Variants in TGM2 observed in about 807,000 individuals in gnomAD.
TGM2 encodes the protein protein-glutamine gamma-glutamyltransferase 2.
A neutral mutation model predicts 75.6 loss-of-function variants in TGM2; 53 were observed. The observed-to-expected ratio is 0.70, with a 90% CI of 0.56 to 0.88. The LOEUF is 0.88. Ranked by LOEUF, TGM2 falls within the 40% of genes least tolerant of loss-of-function variation. The pLI is 0.00. For missense variants in TGM2, 842 were observed against 928.5 expected, an observed-to-expected ratio of 0.91 and a Z score of 1.21; for synonymous variants, 374 against 381.1, an observed-to-expected ratio of 0.98 and a Z score of 0.22.
At position 38,132,496 on chromosome 20, in the gene TGM2, C is replaced by T. The variant is rs946313974; in HGVS notation, c.1620G>A (p.Lys540=). 2 of 1,614,008 alleles carry T rather than the reference C, an allele frequency of 1.2e-6. No homozygotes were observed. The highest frequency in any genetic ancestry group is 1.7e-6 in the Non-Finnish European group (2 of 1,180,024). The change falls in exon 11 of 13, where the codon AAG becomes AAA. Residue 540 remains lysine (K), a synonymous_variant. Transcript: ENST00000361475. The part of the protein sequence containing the change: ...LNLNLEPFSE[K]SVPLCILYEK... ...CATAGAGGATGCAAAGAGGAACGCTCTTCTCTGCAGAAGGGGAGAAAGGAG... is the reference window on the plus strand; with the variant it reads ...CATAGAGGATGCAAAGAGGAACGCTTTTCTCTGCAGAAGGGGAGAAAGGAG...
chr20:38,155,446 A>G (rs2075172099), intron 3 of TGM2, among the ~76,000 whole-genome samples: 1 of 152,030 alleles, frequency 6.6e-6, no homozygotes, highest in Non-Finnish European at 1.5e-5. Flanking sequence ...GACACAAGTG[A>G]TCCTCCCACC....
chr20:38,151,111 C>T (rs1205056044), intron 3 of TGM2, 54 bp from the exon 4 acceptor site: 3 of 1,396,396 alleles, frequency 2.1e-6, no homozygotes, highest in South Asian at 1.2e-5. Flanking sequence ...GCCCAGGGTC[C>T]CTGCAAATCT....
intron 2 of TGM2, among the ~76,000 whole-genome samples, chr20:38,158,574 C>T (rs1425708981): frequency 6.6e-6 from 1 of 152,222 alleles, no homozygotes; most frequent in Admixed American, 6.5e-5. Flanking sequence ...GTGACTGCCA[C>T]ACCCCCTCAA....
chr20:38,130,336 C>G lies in TGM2; in HGVS notation c.1947G>C (p.Lys649Asn), dbSNP rs6023252. The change falls in exon 13 of 13, where the codon AAG becomes AAC. Residue 649 changes from lysine to asparagine, a missense_variant. Transcript: ENST00000361475. The stretch of plus-strand genomic sequence containing the variant: ...GGAGCGGCAGCAGGTCCATTCTCAC[C>G]TTAACTTCCTCCCCTGCCTCCACGG... ...PDPVEAGEEV[K>N]VRMDLLPLHM... 2.5e-6 allele frequency: 4 copies of G among 1,603,826 alleles called. No homozygotes were observed. The highest frequency in any genetic ancestry group is 1.7e-4 in the Middle Eastern group (1 of 6,036).
At chr20:38,138,872 T>TC (rs1028107908) in intron 9 of TGM2, among the ~76,000 whole-genome samples, 45 of 152,320 alleles carry the variant, frequency 3.0e-4, no homozygotes, top group African/African-American at 1.0e-3. Context: ...CTCCTTTGAT[T>TC]TTTTTCTCCC....
Position 38,149,213 on chromosome 20 carries a change from A to G in TGM2, c.553-1124T>C, listed in dbSNP as rs73621927. 2.2e-4 allele frequency among the ~76,000 whole-genome samples: 34 copies of G among 152,106 alleles called. No individual in the cohort carries two copies. In the East Asian group the frequency reaches 6.4e-3, roughly 29 times the overall value. ...ACACCTCCTTGCATGGCAAACTCCT[A>G]TTTGTTCTTCAAAGCCCAGCTCAAA... On this transcript the variant is annotated intron_variant, in intron 4 of 12. Transcript: ENST00000361475.
Position 38,142,072 on chromosome 20 carries a change from C to T in TGM2, c.987G>A (p.Glu329=). ...CCTGGCCCCCACCTCACCAGATCAT[C>T]TCGCTCTTGTCACCCTGGATCTCCC... ...EFGEIQGDKS[E]MIWNFHCWVE... is the part of the protein sequence containing the mutation. The change falls in exon 7 of 13, where the codon GAG becomes GAA. Residue 329 remains glutamate, a synonymous_variant. Coordinates refer to ENST00000361475, the MANE Select transcript of TGM2 (RefSeq NM_004613.4). 1 of 1,614,190 alleles carries T rather than the reference C, an allele frequency of 6.2e-7. No homozygotes were observed.
chr20:38,133,099 G>C (rs957641102), intron 10 of TGM2: 2 of 352,326 alleles, frequency 5.7e-6, no homozygotes, highest in African/African-American at 4.3e-5. Context: ...TCACACAGCT[G>C]ATATGTACTG....
rs769942048 is a variant in TGM2 at position 38,161,583 on chromosome 20, C to T, written c.27G>A (p.Arg9=). 7.4e-6 allele frequency: 12 copies of T among 1,614,168 alleles called. No homozygotes were observed. In the East Asian group the frequency reaches 2.7e-4, roughly 36 times the overall value. Residue 9 remains arginine (R), a synonymous_variant, in exon 2 of 13, where the codon AGG becomes AGA. Coordinates refer to ENST00000361475, the MANE Select transcript of TGM2 (RefSeq NM_004613.4). MAEELVLE[R]CDLELETNGR... ...CATTGGTCTCCAGCTCCAGATCACA[C>T]CTCTCTAAGACCAGCTCTATGGAAA...
Position 38,149,628 on chromosome 20 carries a change from G to A in TGM2, c.552+1311C>T, listed in dbSNP as rs45526138. The stretch of plus-strand genomic sequence containing the variant: ...CAGGAGGCAGATCTTGTAGTGAGCC[G>A]AGATTGCACCACTGCACTCCAGCCT... On this transcript the variant is annotated intron_variant, in intron 4 of 12. Transcript: ENST00000361475. 8.6e-3 allele frequency among the ~76,000 whole-genome samples: 1,214 copies of A among 141,032 alleles called. 11 individuals carry two copies. The highest frequency in any genetic ancestry group is 0.027 in the Middle Eastern group (7 of 258). 92.5% of individuals were successfully genotyped at this position (141,032 alleles called of 152,430 possible).
rs2074778683 is a variant in TGM2, at chr20:38,127,478, A to G, written c.*2741T>C. On this transcript the variant is annotated 3_prime_UTR_variant, in exon 13 of 13. Coordinates refer to ENST00000361475, the MANE Select transcript of TGM2 (RefSeq NM_004613.4). ...AGGGTGGGGACTGTCCCCATCATCT[A>G]TTCATTCAACAGATACTCATGAGTG... 2 of 541,660 alleles carry G rather than the reference A, an allele frequency of 3.7e-6. No homozygotes were observed. The highest frequency in any genetic ancestry group is 4.7e-6 in the Non-Finnish European group (2 of 424,254). The allele number at this position is 541,660 out of a possible 1,614,324, so 33.6% of individuals were successfully genotyped here.
In TGM2 at chr20:38,138,454, C is replaced by A. The variant is rs1249259072; in HGVS notation, c.1343-69G>T. ...TCACAGGAAGGGGGCTGCAACAGGG[C>A]GAGCTGTCTTCGCAGAGGCCTGATG... On this transcript the variant is annotated intron_variant, in intron 9 of 12. Transcript: ENST00000361475. 2.5e-6 allele frequency: 4 copies of A among 1,608,856 alleles called. No homozygotes were observed. The Admixed American group carries it at 6.7e-5, about 27-fold the overall frequency.
Position 38,151,822 on chromosome 20 carries a change from T to C in TGM2, c.434-765A>G, listed in dbSNP as rs573432591. On this transcript the variant is annotated intron_variant, in intron 3 of 12. Transcript: ENST00000361475. ...GCAGAGGACCAGAAAGCACAAAGCT[T>C]TGGCTGCTGGAAAATGCAGGGCATT... 1.1e-4 allele frequency among the ~76,000 whole-genome samples: 17 copies of C among 152,230 alleles called. No individual in the cohort carries two copies. In the South Asian group the frequency reaches 2.9e-3, roughly 26 times the overall value.
chr20:38,143,868 G>C (rs894771729), intron 6 of TGM2, among the ~76,000 whole-genome samples: 2 of 152,188 alleles, frequency 1.3e-5, no homozygotes, highest in Non-Finnish European at 2.9e-5. Flanking sequence ...CCATCGATAG[G>C]CCAGGGTAAG....
intron 6 of TGM2, among the ~76,000 whole-genome samples, 171 bp from the exon 7 acceptor site, chr20:38,142,370 A>G (rs1274598468): frequency 6.6e-6 from 1 of 152,116 alleles, no homozygotes; most frequent in South Asian, 2.1e-4. Flanking sequence ...TGGTCACCCC[A>G]TGTCCATTCT....
chr20:38,155,899 T>C lies in TGM2; in HGVS notation c.381A>G (p.Gly127=). The C allele has an allele frequency of 6.2e-7, 1 of 1,606,264 alleles. No homozygotes were observed. The highest frequency in any genetic ancestry group is 8.5e-7 in the Non-Finnish European group (1 of 1,176,984). Residue 127 remains glycine (G), a synonymous_variant, in exon 3 of 13, where the codon GGA becomes GGG. Transcript: ENST00000361475. The part of the protein sequence containing the change: ...LSLEASTGYQ[G]SSFVLGHFIL... The stretch of plus-strand genomic sequence containing the variant: ...TGAAGTGGCCCAGCACAAAGCTGGA[T>C]CCCTGGTAGCCAGTGGAGGCCTCCA...
chr20:38,165,385 CCGCCAGCG>C (rs2075301484), upstream of TGM2: 2 of 794,600 alleles, frequency 2.5e-6, no homozygotes, highest in African/African-American at 3.5e-5. Context: ...CGGGCCCACG[CCGCCAGCG>C]CTGGGGCTCA....
intron 6 of TGM2, 54 bp from the exon 7 acceptor site, chr20:38,142,253 C>G: frequency 1.2e-6 from 2 of 1,608,566 alleles, no homozygotes; most frequent in Non-Finnish European, 1.7e-6. Context: ...CCGCCCTGCT[C>G]TGGGCCTCCA....
In TGM2 at chr20:38,139,490, C is replaced by T. The variant is rs1249287719; in HGVS notation, c.1264G>A (p.Val422Ile). 7.4e-6 allele frequency: 12 copies of T among 1,614,076 alleles called. No homozygotes were observed. Among genetic ancestry groups the T allele is most frequent in the South Asian group, 1.1e-5 (1 of 91,086 alleles). Residue 422 changes from valine (V) to isoleucine (I), a missense_variant, in exon 9 of 13, where the codon GTT becomes ATT. Coordinates refer to ENST00000361475, the MANE Select transcript of TGM2 (RefSeq NM_004613.4). The part of the protein sequence containing the change: ...VHKSINRSLI[V>I]GLKISTKSVG... ...CTCTTAGTGCTGATCTTCAGCCCAA[C>T]GATCAGGGAACGGTTGATGGATTTG...
Sources: gnomAD v4.1 joint callset for allele counts (sites outside exome capture counted in the v4.1 genomes callset) on GRCh38, gnomAD v4.1.1 for gene constraint, MANE v1.5 for transcripts, NCBI Gene and HGNC (gene_info 2026-07-23, HGNC 2026-07-21) for gene names.